Variants in HHIP observed in about 807,000 individuals in gnomAD.
HHIP encodes the protein hedgehog-interacting protein.
In HHIP, 12 loss-of-function variants were observed where a neutral mutation model predicts 74.0. The observed-to-expected ratio is 0.16, with a 90% CI of 0.10 to 0.26. The LOEUF is 0.26. HHIP is among the 10% of genes least tolerant of loss of function. The probability of loss-of-function intolerance (pLI) is 1.00; values close to 1 mark genes in which losing one functional copy is unlikely to be tolerated. For synonymous variants in HHIP, 309 were observed against 311.6 expected, an observed-to-expected ratio of 0.99 and a Z score of 0.09; for missense variants, 788 against 845.0, an observed-to-expected ratio of 0.93 and a Z score of 0.84.
At chr4:144,682,129 G>C (rs1729364474) in intron 4 of HHIP, among the ~76,000 whole-genome samples, 1 of 152,232 alleles carries the variant, frequency 6.6e-6, no homozygotes, top group Non-Finnish European at 1.5e-5. Context: ...ATAGTGATTA[G>C]AACAGCAGAT....
At chr4:144,701,617 T>C (rs1289559503) in intron 4 of HHIP, among the ~76,000 whole-genome samples, 1 of 152,156 alleles carries the variant, frequency 6.6e-6, no homozygotes, top group Non-Finnish European at 1.5e-5. Context: ...CACCAACACA[T>C]TATATCCAAC....
intron 2 of HHIP, among the ~76,000 whole-genome samples, chr4:144,655,901 T>C (rs1728546631): frequency 6.6e-6 from 1 of 152,130 alleles, no homozygotes; most frequent in Non-Finnish European, 1.5e-5. Context: ...CTTTGTGGTA[T>C]AGCAGAACCA....
chr4:144,709,575 C>T (rs1447104948), intron 7 of HHIP, among the ~76,000 whole-genome samples: 2 of 152,122 alleles, frequency 1.3e-5, no homozygotes, highest in African/African-American at 4.8e-5. Flanking sequence ...ATTCCACCTC[C>T]CTCCAAAAGT....
At chr4:144,730,905 T>C (rs1274292893) in intron 11 of HHIP, among the ~76,000 whole-genome samples, 2 of 152,168 alleles carry the variant, frequency 1.3e-5, no homozygotes, top group Non-Finnish European at 2.9e-5. Flanking sequence ...GAAAAATGAA[T>C]TTTAATGTGT....
At chr4:144,680,094 A>G (rs143237707) in intron 4 of HHIP, among the ~76,000 whole-genome samples, 1 of 152,328 alleles carries the variant, frequency 6.6e-6, no homozygotes. Context: ...ATTCAAAAAT[A>G]AAAAGTTAAT....
At chr4:144,737,651 C>A (rs750860977) in intron 12 of HHIP, 113 bp from the exon 13 acceptor site, 2 of 868,764 alleles carry the variant, frequency 2.3e-6, no homozygotes, top group African/African-American at 1.7e-5. Flanking sequence ...AACTATCTCC[C>A]TCCTTTTTTC....
chr4:144,688,952 G>A (rs1456851583), intron 4 of HHIP, among the ~76,000 whole-genome samples: 1 of 152,186 alleles, frequency 6.6e-6, no homozygotes, highest in Non-Finnish European at 1.5e-5. Context: ...TGCCATACCA[G>A]TAGGAAGATA....
chr4:144,707,130 C>G lies in HHIP; in HGVS notation c.1027C>G (p.Leu343Val), dbSNP rs767523413. ...TGATTTGAGAACAGCCAGAGTCTTTCTTGAAGTTGCAGAACTCCACAGAAA... is the reference window on the plus strand; with the variant it reads ...TGATTTGAGAACAGCCAGAGTCTTTGTTGAAGTTGCAGAACTCCACAGAAA... The part of the protein sequence containing the change: ...QVDLRTARVF[L>V]EVAELHRKHL... Residue 343 changes from leucine (L) to valine (V), a missense_variant, in exon 6 of 13, where the codon CTT (leucine) becomes GTT (valine). Leu to Val is a conservative substitution (Grantham distance 32, BLOSUM62 1). Transcript: ENST00000296575. 6.2e-7 allele frequency: 1 copy of G among 1,614,124 alleles called. No individual in the cohort carries two copies. Among genetic ancestry groups the G allele is most frequent in the Non-Finnish European group, 8.5e-7 (1 of 1,180,000 alleles).
In HHIP at chr4:144,724,604, C is replaced by T. The variant is rs374139028; in HGVS notation, c.1760+5648C>T. On this transcript the variant is annotated intron_variant, in intron 11 of 12. Transcript: ENST00000296575. Reference sequence around the variant, plus strand: ...GTTAACTAGCATATCCATCGCCTTACCTACTTATCATTATTTCTGGTGAGA... The same window carrying T: ...GTTAACTAGCATATCCATCGCCTTATCTACTTATCATTATTTCTGGTGAGA... 4.0e-5 allele frequency among the ~76,000 whole-genome samples: 6 copies of T among 149,244 alleles called. No individual in the cohort carries two copies. The East Asian group carries it at 7.8e-4, about 19-fold the overall frequency.
intron 4 of HHIP, among the ~76,000 whole-genome samples, chr4:144,687,129 T>C (rs1053594367): frequency 1.3e-5 from 2 of 152,186 alleles, no homozygotes; most frequent in East Asian, 3.8e-4. Flanking sequence ...TACAGCTTCA[T>C]AATGTCACAA....
intron 4 of HHIP, among the ~76,000 whole-genome samples, chr4:144,702,646 T>A (rs1179687754): frequency 6.6e-6 from 1 of 151,900 alleles, no homozygotes; most frequent in Non-Finnish European, 1.5e-5. Context: ...TGGCAGCCTA[T>A]GAAGCTTGGA....
At chr4:144,655,982 A>G (rs1728548152) in intron 2 of HHIP, among the ~76,000 whole-genome samples, 1 of 152,186 alleles carries the variant, frequency 6.6e-6, no homozygotes, top group African/African-American at 2.4e-5. Flanking sequence ...AAAAAAATAC[A>G]GCTGCTAGAA....
chr4:144,736,045 T>C (rs900406958), intron 12 of HHIP, among the ~76,000 whole-genome samples: 27 of 152,270 alleles, frequency 1.8e-4, no homozygotes, highest in African/African-American at 4.8e-4. Context: ...AATATGAGAA[T>C]CAGTATTCAA....
At chr4:144,670,155 C>G (rs1728992425) in intron 4 of HHIP, among the ~76,000 whole-genome samples, 1 of 138,972 alleles carries the variant, frequency 7.2e-6, no homozygotes, top group South Asian at 2.4e-4. Context: ...AAAAAAAAAG[C>G]TGAATTGGTC....
chr4:144,709,604 T>C lies in HHIP; in HGVS notation c.1301+1293T>C, dbSNP rs950368181. The stretch of plus-strand genomic sequence containing the variant: ...CAAAAGTATTCTAAGCAGAAGACGA[T>C]TTAATAAAGCAGAAAGAAAACTAAA... On this transcript the variant is annotated intron_variant, in intron 7 of 12. Transcript: ENST00000296575. Among the ~76,000 whole-genome samples, 8 of 152,322 alleles carry C rather than the reference T, an allele frequency of 5.3e-5. No individual in the cohort carries two copies. The South Asian group carries it at 1.0e-3, about 20-fold the overall frequency.
chr4:144,706,771 T>A (rs1730162190), intron 5 of HHIP, 89 bp downstream of exon 5: 1 of 1,164,346 alleles, frequency 8.6e-7, no homozygotes. Flanking sequence ...AAGTTGCAAA[T>A]AAGTAACCAT....
At chr4:144,649,440 T>C (rs1728359016) in intron 1 of HHIP, among the ~76,000 whole-genome samples, 1 of 152,214 alleles carries the variant, frequency 6.6e-6, no homozygotes. Context: ...TCTTTAGCCA[T>C]GGAATTATGC....
rs1426516710 is a variant in HHIP, at chr4:144,738,760, A to G, written c.*803A>G. ...ACACCTTTACCCTGTCCTGTAAAAC[A>G]CTAAAGTTACATTTTTCACCAACTT... On this transcript the variant is annotated 3_prime_UTR_variant, in exon 13 of 13. Coordinates refer to ENST00000296575, the MANE Select transcript of HHIP (RefSeq NM_022475.3). 9.8e-6 allele frequency: 8 copies of G among 816,578 alleles called. No individual in the cohort carries two copies. The East Asian group carries it at 7.4e-4, about 76-fold the overall frequency. The allele number at this position is 816,578 out of a possible 1,614,324, so 50.6% of individuals were successfully genotyped here.
intron 2 of HHIP, among the ~76,000 whole-genome samples, chr4:144,654,307 A>C (rs1442140590): frequency 6.6e-6 from 1 of 152,132 alleles, no homozygotes; most frequent in Non-Finnish European, 1.5e-5. Context: ...ACGAATGACA[A>C]ATTTATTTTT....
Sources: allele counts gnomAD v4.1 joint callset (sites outside exome capture counted in the v4.1 genomes callset), GRCh38; gene constraint gnomAD v4.1.1; transcripts MANE v1.5; gene names NCBI Gene and HGNC (gene_info 2026-07-23, HGNC 2026-07-21).